AMBRA1: variants seen among roughly 807,000 people sequenced by gnomAD.
AMBRA1 encodes the protein autophagy and beclin 1 regulator 1, also known as activating molecule in BECN1-regulated autophagy protein 1.
Under a neutral mutation model 125.4 loss-of-function variants are expected in AMBRA1, and 47 were observed. The observed-to-expected ratio is 0.37, with a 90% CI of 0.30 to 0.48. AMBRA1 has a LOEUF of 0.48. Among genes scored for constraint, AMBRA1 ranks in the 20% least tolerant of loss-of-function variants. The probability of loss-of-function intolerance (pLI) is 0.99; values close to 1 mark genes in which losing one functional copy is unlikely to be tolerated. For missense variants in AMBRA1, 1,331 were observed against 1,693.4 expected (o/e 0.79, Z 3.76); for synonymous variants, 626 against 655.5 (o/e 0.95, Z 0.69).
In AMBRA1 at chr11:46,541,971, C is replaced by A. The variant is rs780544369; in HGVS notation, c.2046G>T (p.Glu682Asp). 5 of 1,613,090 alleles carry A rather than the reference C, an allele frequency of 3.1e-6. No individual in the cohort carries two copies. The Admixed American group carries it at 8.4e-5, about 27-fold the overall frequency. ...QEALHQDMPE[E>D]SSEEDSLRRR... Reference sequence around the variant, plus strand: ...TCCTGAGTGAATCCTCCTCAGAGCTCTCCTCAGGCATATCCTGATGTAAGG... The same window carrying A: ...TCCTGAGTGAATCCTCCTCAGAGCTATCCTCAGGCATATCCTGATGTAAGG... The change falls in exon 7 of 18, where the codon GAG becomes GAT. Residue 682 changes from glutamate (E) to aspartate (D), a missense_variant. By Grantham distance (45) the Glu-to-Asp change is conservative. Transcript: ENST00000683756.
intron 1 of AMBRA1, 130 bp from the exon 2 acceptor site, chr11:46,548,630 T>A: frequency 2.2e-6 from 1 of 457,682 alleles, no homozygotes; most frequent in South Asian, 3.4e-5. Context: ...AAAAGACCCT[T>A]CCTCCCAGAA....
intron 1 of AMBRA1, among the ~76,000 whole-genome samples, chr11:46,553,537 A>G (rs367819076): frequency 2.1e-3 from 317 of 152,010 alleles, no homozygotes; most frequent in African/African-American, 7.4e-3. Flanking sequence ...ACAAGGTCAG[A>G]AGTTCGAGAC....
chr11:46,428,972 T>A (rs1422566290), intron 14 of AMBRA1: 6 of 1,612,382 alleles, frequency 3.7e-6, no homozygotes, highest in Admixed American at 1.7e-5. Context: ...GGCAAACTGT[T>A]CCTTCACGTA....
chr11:46,546,943 T>G (rs1424296203), intron 4 of AMBRA1, 170 bp downstream of exon 4: 1 of 573,752 alleles, frequency 1.7e-6, no homozygotes, highest in African/African-American at 1.9e-5. Context: ...TGATGGCACA[T>G]GCCTGTAATC....
chr11:46,463,627 C>G (rs985170279), intron 11 of AMBRA1, among the ~76,000 whole-genome samples: 1 of 152,176 alleles, frequency 6.6e-6, no homozygotes, highest in African/African-American at 2.4e-5. Context: ...GTATCTTTGG[C>G]TTTGAGAAGA....
intron 11 of AMBRA1, among the ~76,000 whole-genome samples, chr11:46,456,924 G>A (rs1948872294): frequency 6.6e-6 from 1 of 152,094 alleles, no homozygotes; most frequent in South Asian, 2.1e-4. Context: ...CCCCCACTCA[G>A]CACATGACAA....
At chr11:46,417,676 C>T (rs1208118278) in intron 15 of AMBRA1, among the ~76,000 whole-genome samples, 1 of 152,156 alleles carries the variant, frequency 6.6e-6, no homozygotes, top group Non-Finnish European at 1.5e-5. Context: ...AAAAAAAATA[C>T]TGCCTTTAGA....
At chr11:46,492,993 G>A (rs1320221901) in intron 11 of AMBRA1, among the ~76,000 whole-genome samples, 17 of 152,344 alleles carry the variant, frequency 1.1e-4, no homozygotes, top group African/African-American at 4.1e-4. Flanking sequence ...AGATTGCAGT[G>A]AGCCAAGATC....
At chr11:46,444,092 T>C (rs1224648005) in intron 11 of AMBRA1, among the ~76,000 whole-genome samples, 1 of 152,204 alleles carries the variant, frequency 6.6e-6, no homozygotes, top group East Asian at 1.9e-4. Context: ...AAAAACAGGC[T>C]TCCTCCAGGG....
intron 9 of AMBRA1, 141 bp from the exon 10 acceptor site, chr11:46,494,345 A>G: frequency 1.6e-6 from 1 of 622,110 alleles, no homozygotes; most frequent in Non-Finnish European, 2.8e-6. Context: ...CTGCTCACTA[A>G]TTAGGCAGCA....
intron 15 of AMBRA1, among the ~76,000 whole-genome samples, chr11:46,416,814 G>A (rs1055319991): frequency 1.3e-5 from 2 of 152,218 alleles, no homozygotes; most frequent in African/African-American, 2.4e-5. Context: ...AGCGTCCCAC[G>A]CAGCAATCAA....
intron 1 of AMBRA1, among the ~76,000 whole-genome samples, chr11:46,567,648 A>G (rs1311519377): frequency 6.7e-6 from 1 of 149,842 alleles, no homozygotes; most frequent in Non-Finnish European, 1.5e-5. Context: ...GGCGTGAGCC[A>G]CCGTGCCCAG....
chr11:46,457,598 G>C (rs914066176), intron 11 of AMBRA1, among the ~76,000 whole-genome samples: 1 of 152,096 alleles, frequency 6.6e-6, no homozygotes, highest in African/African-American at 2.4e-5. Context: ...TGGTGGTGAC[G>C]GTTGCTTATA....
chr11:46,443,544 G>A lies in AMBRA1; in HGVS notation c.2576C>T (p.Thr859Ile). 6.2e-7 allele frequency: 1 copy of A among 1,614,184 alleles called. No individual in the cohort carries two copies. The highest frequency in any genetic ancestry group is 8.5e-7 in the Non-Finnish European group (1 of 1,180,028). The change falls in exon 12 of 18, where the codon ACC (threonine) becomes ATC (isoleucine). Residue 859 changes from threonine to isoleucine, a missense_variant. Transcript: ENST00000683756. ...GAAGTCCCACCACTGGAGCCGGTAGGTAGTATTGGCAATGTTACTGGCCAC... is the reference window on the plus strand; with the variant it reads ...GAAGTCCCACCACTGGAGCCGGTAGATAGTATTGGCAATGTTACTGGCCAC... ...SAVASNIANTTYRLQWWDFTK... is the reference protein window; with the variant it reads ...SAVASNIANTIYRLQWWDFTK...
intron 13 of AMBRA1, among the ~76,000 whole-genome samples, chr11:46,434,223 A>G (rs1401056094): frequency 1.3e-5 from 2 of 151,654 alleles, no homozygotes; most frequent in Non-Finnish European, 2.9e-5. Flanking sequence ...TTTGAAACCC[A>G]CCTTTTTCAT....
intron 1 of AMBRA1, among the ~76,000 whole-genome samples, chr11:46,555,871 A>T (rs761094463): frequency 5.3e-5 from 8 of 152,252 alleles, no homozygotes; most frequent in Non-Finnish European, 1.0e-4. Context: ...AAGCTGTTAA[A>T]ATGGAGTCCA....
chr11:46,397,227 C>T lies in AMBRA1; in HGVS notation c.*223G>A, dbSNP rs1945499826. 2 of 478,592 alleles carry T rather than the reference C, an allele frequency of 4.2e-6. No homozygotes were observed. The highest frequency in any genetic ancestry group is 7.1e-5 in the East Asian group (2 of 28,324). 29.6% of individuals were successfully genotyped at this position (478,592 alleles called of 1,614,324 possible). A position where few individuals can be genotyped will look rare whatever the true frequency, so the allele number is the denominator to read the frequency against. On this transcript the variant is annotated 3_prime_UTR_variant, in exon 18 of 18. Transcript: ENST00000683756. ...TTCACATTAAGCCCACAGTGTGGCT[C>T]TCCCGGGCTCCAGATCCTGGAAGGT...
intron 11 of AMBRA1, among the ~76,000 whole-genome samples, chr11:46,465,717 T>C (rs879523032): frequency 2.0e-5 from 3 of 152,066 alleles, no homozygotes; most frequent in Non-Finnish European, 2.9e-5. Context: ...TGTAAGGAGG[T>C]AGAAAGGAAA....
intron 1 of AMBRA1, among the ~76,000 whole-genome samples, chr11:46,592,446 G>A (rs764842330): frequency 1.3e-4 from 20 of 152,056 alleles, no homozygotes; most frequent in Non-Finnish European, 2.2e-4. Context: ...TGTATGTGCA[G>A]TGACCAAACT....
Sources: gnomAD v4.1 joint callset for allele counts (sites outside exome capture counted in the v4.1 genomes callset) on GRCh38, gnomAD v4.1.1 for gene constraint, MANE v1.5 for transcripts, NCBI Gene and HGNC (gene_info 2026-07-23, HGNC 2026-07-21) for gene names.